The following RAB8B variants were observed in gnomAD, a reference collection of about 807,000 sequenced individuals.
RAB8B encodes ras-related protein Rab-8B.
Under a neutral mutation model 32.0 loss-of-function variants are expected in RAB8B, and 11 were observed. The observed-to-expected ratio is 0.34, with a 90% CI of 0.22 to 0.57. The LOEUF is 0.57. RAB8B is among the 20% of genes least tolerant of loss of function. The probability of loss-of-function intolerance (pLI) is 0.86; values close to 1 mark genes in which losing one functional copy is unlikely to be tolerated. For missense variants in RAB8B, 190 were observed against 258.5 expected (o/e 0.73, Z 1.82); for synonymous variants, 103 against 89.6 (o/e 1.15, Z -0.85).
chr15:63,233,055 C>CTTTTTTTTT lies in RAB8B; in HGVS notation c.125-11698_125-11690dup, dbSNP rs752891283. ...CTTTTTTTTCAATCTAAGTAGCATT[C>CTTTTTTTTT]TTTTTTTTTTTCTTTTTTGTTGAGA... On this transcript the variant is annotated intron_variant, in intron 1 of 7. Transcript: ENST00000321437. Among the ~76,000 whole-genome samples the CTTTTTTTTT allele has an allele frequency of 1.2e-3, 172 of 141,486 alleles. 5 individuals are homozygous for CTTTTTTTTT. Among genetic ancestry groups the CTTTTTTTTT allele is most frequent in the East Asian group, 1.6e-3 (8 of 4,886 alleles). The allele number at this position is 141,486 out of a possible 152,430, so 92.8% of individuals were successfully genotyped here. A position where few individuals can be genotyped will look rare whatever the true frequency, so the allele number is the denominator to read the frequency against.
At chr15:63,219,541 A>G (rs982562828) in intron 1 of RAB8B, among the ~76,000 whole-genome samples, 1 of 152,114 alleles carries the variant, frequency 6.6e-6, no homozygotes, top group Admixed American at 6.5e-5. Context: ...TGTAAGAGTA[A>G]CAAGGAGTAA....
At chr15:63,251,855 G>T (rs1567020331) in intron 3 of RAB8B, among the ~76,000 whole-genome samples, 1 of 152,052 alleles carries the variant, frequency 6.6e-6, no homozygotes, top group African/African-American at 2.4e-5. Context: ...ATTCCAGTCG[G>T]TTGCCGGGCC....
chr15:63,213,313 G>A (rs987907048), intron 1 of RAB8B, among the ~76,000 whole-genome samples: 2 of 151,256 alleles, frequency 1.3e-5, no homozygotes, highest in African/African-American at 2.5e-5. Flanking sequence ...GGGGGACGTG[G>A]GGCAAAGCAG....
chr15:63,229,780 C>CAAAAAAAAAAAA lies in RAB8B; in HGVS notation c.125-14957_125-14946dup, dbSNP rs56015501. Among the ~76,000 whole-genome samples the CAAAAAAAAAAAA allele has an allele frequency of 1.1e-4, 4 of 35,984 alleles. 2 individuals are homozygous for CAAAAAAAAAAAA. The highest frequency in any genetic ancestry group is 3.6e-4 in the African/African-American group (4 of 11,182). 23.6% of individuals were successfully genotyped at this position (35,984 alleles called of 152,430 possible). ...TAGGTGACAGAGCAAGACGCTGTTT[C>CAAAAAAAAAAAA]AAAAAAAAAAAAAAAAAAAAAAAAA... On this transcript the variant is annotated intron_variant, in intron 1 of 7. Transcript: ENST00000321437.
chr15:63,262,400 A>G (rs1004617410), intron 6 of RAB8B, among the ~76,000 whole-genome samples: 4 of 152,200 alleles, frequency 2.6e-5, no homozygotes, highest in African/African-American at 9.7e-5. Flanking sequence ...CTATGATTAC[A>G]ATTATTACTT....
chr15:63,262,702 C>T lies in RAB8B; in HGVS notation c.491C>T (p.Thr164Ile). The T allele has an allele frequency of 7.0e-7, 1 of 1,436,112 alleles. No homozygotes were observed. The highest frequency in any genetic ancestry group is 9.2e-7 in the Non-Finnish European group (1 of 1,087,114). 89.0% of individuals were successfully genotyped at this position (1,436,112 alleles called of 1,614,324 possible). ...TTGTTTTACCTATAGGCATTTTTTA[C>T]ACTTGCACGAGATATAATGACAAAA... ...SSANVEEAFF[T>I]LARDIMTKLN... Residue 164 changes from threonine (T) to isoleucine (I), a missense_variant, in exon 7 of 8, where the codon ACA becomes ATA. Transcript: ENST00000321437.
intron 3 of RAB8B, among the ~76,000 whole-genome samples, chr15:63,250,093 G>A (rs36120045): frequency 0.011 from 1,716 of 152,220 alleles, 9 homozygotes; most frequent in Non-Finnish European, 0.017. Flanking sequence ...CCGAGATTGC[G>A]CCACTGCAGT....
chr15:63,202,089 TAAAAAAA>T lies in RAB8B; in HGVS notation c.124+12365_124+12371del, dbSNP rs146981058. On this transcript the variant is annotated intron_variant, in intron 1 of 7. Transcript: ENST00000321437. ...TAACACGGTGAAACCCCGTCTCTAC[TAAAAAAA>T]AAAAAAAAAAAAAAAAAAAAAAATA... Among the ~76,000 whole-genome samples the T allele has an allele frequency of 8.9e-4, 76 of 85,746 alleles. 1 individual carries two copies. Among genetic ancestry groups the T allele is most frequent in the African/African-American group, 3.3e-3 (70 of 21,524 alleles). The allele number at this position is 85,746 out of a possible 152,430, so 56.3% of individuals were successfully genotyped here. A position where few individuals can be genotyped will look rare whatever the true frequency, so the allele number is the denominator to read the frequency against.
At chr15:63,220,454 T>G (rs1238779187) in intron 1 of RAB8B, among the ~76,000 whole-genome samples, 1 of 152,014 alleles carries the variant, frequency 6.6e-6, no homozygotes, top group Non-Finnish European at 1.5e-5. Context: ...GACCAACTTT[T>G]TTTTTTTAAA....
At chr15:63,246,785 C>T (rs2038075806) in intron 2 of RAB8B, among the ~76,000 whole-genome samples, 1 of 152,184 alleles carries the variant, frequency 6.6e-6, no homozygotes, top group Admixed American at 6.5e-5. Flanking sequence ...AAAGTTCCAG[C>T]CCGCTTATCA....
At chr15:63,219,608 T>TG (rs1178650719) in intron 1 of RAB8B, among the ~76,000 whole-genome samples, 1 of 152,226 alleles carries the variant, frequency 6.6e-6, no homozygotes, top group Non-Finnish European at 1.5e-5. Flanking sequence ...TGTATATATG[T>TG]GGAATGTGTT....
At chr15:63,251,406 A>G (rs1302535807) in intron 3 of RAB8B, 7 of 440,162 alleles carry the variant, frequency 1.6e-5, no homozygotes, top group South Asian at 4.8e-5. Flanking sequence ...TTTGCATGCT[A>G]GGAATGATGT....
rs111987091 is a variant in RAB8B at position 63,238,444 on chromosome 15, C to A, written c.125-6312C>A. 7.2e-3 allele frequency among the ~76,000 whole-genome samples: 1,091 copies of A among 152,144 alleles called. 8 individuals carry two copies. The highest frequency in any genetic ancestry group is 0.013 in the Non-Finnish European group (877 of 68,004). On this transcript the variant is annotated intron_variant, in intron 1 of 7. Transcript: ENST00000321437. The stretch of plus-strand genomic sequence containing the variant: ...GGCAGCTACTTGGGCTGCTCATTGT[C>A]CCCTTTTTCTTTCTTATTTTCTAGT...
At chr15:63,254,263 A>G (rs922328294) in intron 3 of RAB8B, among the ~76,000 whole-genome samples, 3 of 152,162 alleles carry the variant, frequency 2.0e-5, no homozygotes, top group Non-Finnish European at 4.4e-5. Context: ...TTCCTCAGGG[A>G]AGCCTCCCCT....
chr15:63,249,542 C>A, intron 2 of RAB8B, 103 bp from the exon 3 acceptor site: 1 of 1,082,384 alleles, frequency 9.2e-7, no homozygotes. Flanking sequence ...TCTGTGACCA[C>A]TGCACCCTGA....
intron 1 of RAB8B, among the ~76,000 whole-genome samples, chr15:63,198,134 T>G (rs1230631493): frequency 2.0e-5 from 3 of 152,112 alleles, no homozygotes; most frequent in Admixed American, 6.5e-5. Flanking sequence ...AAGAAATAAA[T>G]CTGCTTTTCA....
intron 1 of RAB8B, among the ~76,000 whole-genome samples, chr15:63,196,310 A>T (rs1361231406): frequency 6.6e-6 from 1 of 152,196 alleles, no homozygotes; most frequent in Non-Finnish European, 1.5e-5. Context: ...TAGATCCTTT[A>T]TCAGAGCTGG....
At chr15:63,245,727 G>A (rs917680736) in intron 2 of RAB8B, among the ~76,000 whole-genome samples, 4 of 152,146 alleles carry the variant, frequency 2.6e-5, no homozygotes, top group Non-Finnish European at 5.9e-5. Flanking sequence ...AAGTGTTTCC[G>A]ATTTTGGATA....
intron 1 of RAB8B, among the ~76,000 whole-genome samples, chr15:63,199,067 A>G (rs944149572): frequency 1.3e-5 from 2 of 152,224 alleles, no homozygotes; most frequent in African/African-American, 4.8e-5. Context: ...ATGGAAAACA[A>G]TTCTTTATTG....
Sources: gnomAD v4.1 joint callset for allele counts (sites outside exome capture counted in the v4.1 genomes callset) on GRCh38, gnomAD v4.1.1 for gene constraint, MANE v1.5 for transcripts, NCBI Gene and HGNC (gene_info 2026-07-23, HGNC 2026-07-21) for gene names.